Variants in FGF12 observed in about 807,000 individuals in gnomAD.
FGF12 encodes fibroblast growth factor 12B.
FGF12 carries 14 observed loss-of-function variants against 23.6 expected under a neutral mutation model. The observed-to-expected ratio is 0.59, with a 90% confidence interval of 0.39 to 0.93. FGF12 has a LOEUF of 0.93. FGF12 is among the 40% of genes least tolerant of loss of function. The probability of loss-of-function intolerance (pLI) is 0.00; values close to 1 mark genes in which losing one functional copy is unlikely to be tolerated. For synonymous variants in FGF12, 62 were observed against 77.3 expected (o/e 0.80, Z 1.04); for missense variants, 175 against 217.8 (o/e 0.80, Z 1.24).
intron 4 of FGF12, among the ~76,000 whole-genome samples, chr3:192,205,937 G>C (rs1420977082): frequency 6.6e-6 from 1 of 152,178 alleles, no homozygotes; most frequent in Non-Finnish European, 1.5e-5. Context: ...ACACAGAGGA[G>C]GTGTTACTAT....
chr3:192,516,980 T>A (rs1724687551), intron 2 of FGF12: 1 of 152,166 alleles, frequency 6.6e-6, no homozygotes, highest in South Asian at 2.1e-4. Context: ...CTAAAAATAG[T>A]CCTTTGTGCT....
intron 2 of FGF12, among the ~76,000 whole-genome samples, chr3:192,655,206 C>T (rs1463466803): frequency 2.0e-5 from 3 of 152,186 alleles, no homozygotes; most frequent in Non-Finnish European, 2.9e-5. Context: ...CTCACTTCCT[C>T]CTTATTAACA....
At chr3:192,312,994 T>C (rs879903034) in intron 4 of FGF12, among the ~76,000 whole-genome samples, 26 of 152,312 alleles carry the variant, frequency 1.7e-4, no homozygotes, top group Admixed American at 1.2e-3. Context: ...TTTTCCCTGT[T>C]TTGATGCATA....
intron 2 of FGF12, among the ~76,000 whole-genome samples, chr3:192,424,705 G>A (rs1301731188): frequency 1.3e-5 from 2 of 152,060 alleles, no homozygotes; most frequent in Admixed American, 1.3e-4. Context: ...ACATGCCACA[G>A]GAGGAGAGTC....
intron 2 of FGF12, among the ~76,000 whole-genome samples, chr3:192,404,456 T>C (rs1452112343): frequency 6.6e-6 from 1 of 152,216 alleles, no homozygotes; most frequent in Non-Finnish European, 1.5e-5. Context: ...ATTTGTACTA[T>C]TGTTTCTACT....
At chr3:192,200,161 C>CAA (rs11327020) in intron 4 of FGF12, among the ~76,000 whole-genome samples, 3 of 127,786 alleles carry the variant, frequency 2.3e-5, no homozygotes, top group Admixed American at 8.0e-5. Flanking sequence ...TAATAAAATA[C>CAA]AAAAAAAAAA....
At chr3:192,146,954 G>A (rs1045818125) in intron 5 of FGF12, among the ~76,000 whole-genome samples, 3 of 152,106 alleles carry the variant, frequency 2.0e-5, no homozygotes, top group Non-Finnish European at 4.4e-5. Flanking sequence ...GCACTAAATG[G>A]AGTAATAAAA....
intron 2 of FGF12, among the ~76,000 whole-genome samples, chr3:192,391,322 G>A (rs1036399206): frequency 1.3e-5 from 2 of 152,140 alleles, no homozygotes; most frequent in East Asian, 3.8e-4. Context: ...TTCAGATGAC[G>A]TCTAGACCAA....
chr3:192,578,077 A>G (rs1413993715), intron 2 of FGF12, among the ~76,000 whole-genome samples: 1 of 152,212 alleles, frequency 6.6e-6, no homozygotes, highest in African/African-American at 2.4e-5. Context: ...CATGAAAGAT[A>G]ATCGTGTTCT....
At chr3:192,186,016 G>A (rs1343714155) in intron 4 of FGF12, among the ~76,000 whole-genome samples, 1 of 152,052 alleles carries the variant, frequency 6.6e-6, no homozygotes, top group Non-Finnish European at 1.5e-5. Flanking sequence ...CCTATAATAT[G>A]AGAGAATAAA....
chr3:192,170,129 A>C (rs1347597377), intron 5 of FGF12, among the ~76,000 whole-genome samples: 1 of 121,608 alleles, frequency 8.2e-6, no homozygotes, highest in South Asian at 2.9e-4. Flanking sequence ...TTTGTAATAG[A>C]ATTTTCCTTT....
At chr3:192,348,798 T>G (rs1718077487) in intron 3 of FGF12, among the ~76,000 whole-genome samples, 1 of 152,146 alleles carries the variant, frequency 6.6e-6, no homozygotes, top group Non-Finnish European at 1.5e-5. Context: ...ACTAATTATT[T>G]AACCTTCCTG....
intron 4 of FGF12, among the ~76,000 whole-genome samples, chr3:192,255,142 A>G (rs1326895411): frequency 6.6e-6 from 1 of 152,060 alleles, no homozygotes; most frequent in East Asian, 1.9e-4. Flanking sequence ...GTGAATTAAC[A>G]GCACAGCTCT....
At position 192,316,194 on chromosome 3, in the gene FGF12, G is replaced by A. The variant is rs759132777; in HGVS notation, c.228+19167C>T. Among the ~76,000 whole-genome samples, 24 of 152,084 alleles carry A rather than the reference G, an allele frequency of 1.6e-4. 1 individual carries two copies. Among genetic ancestry groups the A allele is most frequent in the Non-Finnish European group, 2.9e-4 (20 of 68,032 alleles). ...AAAAATAATAATAGATCATTGAGGT[G>A]GAGCAAGATGGCAAATAGATAACAC... On this transcript the variant is annotated intron_variant, in intron 4 of 5. Coordinates refer to ENST00000445105, the MANE Select transcript of FGF12 (RefSeq NM_004113.6).
At chr3:192,407,730 T>TGAAC (rs1721022314) in intron 2 of FGF12, among the ~76,000 whole-genome samples, 1 of 151,926 alleles carries the variant, frequency 6.6e-6, no homozygotes, top group African/African-American at 2.4e-5. Flanking sequence ...AATTAATGAA[T>TGAAC]GAAGTGGTCA....
intron 4 of FGF12, among the ~76,000 whole-genome samples, chr3:192,309,255 C>T (rs2108669397): frequency 6.6e-6 from 1 of 152,286 alleles, no homozygotes. Context: ...AAAACCAAAG[C>T]AGAAACCATA....
At chr3:192,585,406 A>G (rs978273819) in intron 2 of FGF12, among the ~76,000 whole-genome samples, 6 of 152,190 alleles carry the variant, frequency 3.9e-5, no homozygotes, top group African/African-American at 1.4e-4. Flanking sequence ...GAGCAGTTTC[A>G]GGGATCTCAG....
intron 2 of FGF12, among the ~76,000 whole-genome samples, chr3:192,499,781 C>T (rs1431904867): frequency 6.6e-6 from 1 of 151,462 alleles, no homozygotes; most frequent in Non-Finnish European, 1.5e-5. Flanking sequence ...ATCTCCTGAC[C>T]TTGTGATCCG....
chr3:192,222,862 A>G (rs1029481873), intron 4 of FGF12, among the ~76,000 whole-genome samples: 1 of 152,086 alleles, frequency 6.6e-6, no homozygotes, highest in African/African-American at 2.4e-5. Flanking sequence ...TTCATTACTT[A>G]TTCTGCAAAA....
Sources: gnomAD v4.1 joint callset for allele counts (sites outside exome capture counted in the v4.1 genomes callset) on GRCh38, gnomAD v4.1.1 for gene constraint, MANE v1.5 for transcripts, NCBI Gene and HGNC (gene_info 2026-07-23, HGNC 2026-07-21) for gene names.